Variants in NRG1 observed in about 807,000 individuals in gnomAD.
The protein encoded by NRG1 is neuregulin 1, also known as pro-neuregulin-1, membrane-bound isoform.
NRG1 carries 18 observed loss-of-function variants against 63.8 expected under a neutral mutation model. That is an observed-to-expected ratio of 0.28 (90% CI 0.19 to 0.42). The LOEUF (loss-of-function observed/expected upper bound fraction) is 0.42. Among genes scored for constraint, NRG1 ranks in the 10% least tolerant of loss-of-function variants. The probability of loss-of-function intolerance (pLI) is 1.00; values close to 1 mark genes in which losing one functional copy is unlikely to be tolerated. For missense variants in NRG1, 762 were observed against 814.7 expected, an observed-to-expected ratio of 0.94 and a Z score of 0.79; for synonymous variants, 302 against 301.3, an observed-to-expected ratio of 1.00 and a Z score of -0.02.
chr8:32,520,507 C>T (rs1315593263), intron 1 of NRG1, among the ~76,000 whole-genome samples: 2 of 152,016 alleles, frequency 1.3e-5, no homozygotes, highest in Non-Finnish European at 2.9e-5. Flanking sequence ...ACTGATATCA[C>T]AGGGTGGTTG....
At chr8:32,464,278 C>CT (rs1822765744) in intron 1 of NRG1, among the ~76,000 whole-genome samples, 1 of 100,486 alleles carries the variant, frequency 1.0e-5, no homozygotes, top group African/African-American at 4.0e-5. Flanking sequence ...AACTTATCCC[C>CT]ACCCCCCCCC....
chr8:31,639,513 G>A, intron 1 of NRG1: 3 of 1,514,180 alleles, frequency 2.0e-6, no homozygotes, highest in Non-Finnish European at 2.7e-6. Flanking sequence ...CGCCTCCAGG[G>A]CTCTCTCCCT....
intron 1 of NRG1, among the ~76,000 whole-genome samples, chr8:32,024,790 C>T (rs1197922538): frequency 6.6e-6 from 1 of 152,074 alleles, no homozygotes; most frequent in Non-Finnish European, 1.5e-5. Flanking sequence ...GAACTTTCCA[C>T]CATTTCATTG....
chr8:31,749,088 CTA>C (rs535032862), intron 1 of NRG1, among the ~76,000 whole-genome samples: 12 of 151,880 alleles, frequency 7.9e-5, no homozygotes, highest in Middle Eastern at 3.4e-3. Flanking sequence ...CCATTAAAAA[CTA>C]TGTTTATGAA....
chr8:32,556,466 G>C (rs1403906942), intron 1 of NRG1, among the ~76,000 whole-genome samples: 1 of 152,098 alleles, frequency 6.6e-6, no homozygotes, highest in African/African-American at 2.4e-5. Flanking sequence ...TGACCTATTA[G>C]CAGATAGTTG....
rs560002895 is a variant in NRG1 at position 32,727,608 on chromosome 8, T to C, written c.503-341T>C. Among the ~76,000 whole-genome samples, 5 of 152,342 alleles carry C rather than the reference T, an allele frequency of 3.3e-5. No individual in the cohort carries two copies. In the East Asian group the frequency reaches 9.6e-4, roughly 29 times the overall value. ...CTGCACTGACATGACTTTATACCATTACCTTGAACCTTCCTGAGAAATGTA... is the reference window on the plus strand; with the variant it reads ...CTGCACTGACATGACTTTATACCATCACCTTGAACCTTCCTGAGAAATGTA... On this transcript the variant is annotated intron_variant, in intron 5 of 11. Coordinates refer to ENST00000356819, the Ensembl canonical transcript of NRG1.
chr8:32,382,577 G>A (rs889147403), intron 1 of NRG1, among the ~76,000 whole-genome samples: 3 of 152,166 alleles, frequency 2.0e-5, no homozygotes. Context: ...ACTTGGGTAA[G>A]TGTGTCTCAA....
At chr8:31,791,739 T>C (rs565430648) in intron 1 of NRG1, among the ~76,000 whole-genome samples, 2 of 152,296 alleles carry the variant, frequency 1.3e-5, no homozygotes, top group East Asian at 3.9e-4. Context: ...TAGGATCTCA[T>C]GGCTGCCCGG....
intron 1 of NRG1, among the ~76,000 whole-genome samples, chr8:32,072,894 C>G (rs375834609): frequency 1.3e-5 from 2 of 151,982 alleles, no homozygotes; most frequent in Non-Finnish European, 2.9e-5. Context: ...GTTTTCTGGT[C>G]TTTGTTCACT....
At chr8:32,151,010 G>A (rs533074145) in intron 1 of NRG1, among the ~76,000 whole-genome samples, 11 of 152,112 alleles carry the variant, frequency 7.2e-5, no homozygotes, top group African/African-American at 2.7e-4. Flanking sequence ...TAGGATAGGG[G>A]CCAGAAATAG....
intron 1 of NRG1, among the ~76,000 whole-genome samples, chr8:31,833,723 A>C (rs1283826608): frequency 6.6e-6 from 1 of 152,146 alleles, no homozygotes; most frequent in Non-Finnish European, 1.5e-5. Context: ...CCACTTCCTG[A>C]TTAGTCATCT....
intron 1 of NRG1, among the ~76,000 whole-genome samples, chr8:32,034,461 T>C (rs1818739149): frequency 2.0e-5 from 3 of 152,222 alleles, no homozygotes; most frequent in Non-Finnish European, 4.4e-5. Flanking sequence ...GATGCTGCCC[T>C]CATGAAATGA....
chr8:32,728,920 T>C (rs1443770457), intron 6 of NRG1, among the ~76,000 whole-genome samples: 1 of 151,874 alleles, frequency 6.6e-6, no homozygotes, highest in Non-Finnish European at 1.5e-5. Context: ...AAAAAAAAAT[T>C]AGCTGGGCGT....
At chr8:32,337,682 AGC>A (rs1586900915) in intron 1 of NRG1, among the ~76,000 whole-genome samples, 13 of 116,616 alleles carry the variant, frequency 1.1e-4, no homozygotes, top group Non-Finnish European at 1.5e-4. Context: ...AAAAAAAAAA[AGC>A]TGATGCAGTT....
intron 1 of NRG1, among the ~76,000 whole-genome samples, chr8:31,831,238 A>G (rs1208459577): frequency 6.6e-6 from 1 of 151,820 alleles, no homozygotes; most frequent in Non-Finnish European, 1.5e-5. Context: ...AGCAGCTGGT[A>G]TTACAGGCAC....
intron 1 of NRG1, among the ~76,000 whole-genome samples, chr8:32,339,392 G>T (rs748060085): frequency 1.3e-5 from 2 of 152,114 alleles, no homozygotes; most frequent in Admixed American, 1.3e-4. Context: ...ACGAGAATAA[G>T]CATCTCCATC....
At chr8:32,323,436 A>C (rs1477139178) in intron 1 of NRG1, among the ~76,000 whole-genome samples, 1 of 152,224 alleles carries the variant, frequency 6.6e-6, no homozygotes, top group East Asian at 1.9e-4. Context: ...GTGGAAAATC[A>C]CAGCCAGGAA....
intron 1 of NRG1, among the ~76,000 whole-genome samples, chr8:32,560,580 A>T (rs937221347): frequency 3.9e-5 from 6 of 152,236 alleles, no homozygotes; most frequent in African/African-American, 1.4e-4. Context: ...ACTGTCAGTT[A>T]ATAAGAAAGT....
chr8:31,735,284 A>C (rs1382383667), intron 1 of NRG1, among the ~76,000 whole-genome samples: 1 of 152,118 alleles, frequency 6.6e-6, no homozygotes, highest in African/African-American at 2.4e-5. Context: ...GCAGATTTGG[A>C]GTCTAAAGAG....
Sources: allele counts gnomAD v4.1 joint callset (sites outside exome capture counted in the v4.1 genomes callset), GRCh38; gene constraint gnomAD v4.1.1; transcripts MANE v1.5; gene names NCBI Gene and HGNC (gene_info 2026-07-23, HGNC 2026-07-21).